The following GSTO2 variants were observed in gnomAD, a reference collection of about 807,000 sequenced individuals.
GSTO2 encodes glutathione S-transferase omega-2.
GSTO2 carries 23 observed loss-of-function variants against 28.4 expected under a neutral mutation model. The ratio of observed to expected loss-of-function variants is 0.81; its 90% CI spans 0.58 to 1.15. The LOEUF (loss-of-function observed/expected upper bound fraction) is 1.15. Among genes scored for constraint, GSTO2 ranks in the 50% most tolerant of loss-of-function variants. The pLI is 0.00. For missense variants in GSTO2, 298 were observed against 297.8 expected, an observed-to-expected ratio of 1.00 and a Z score of 0.00; for synonymous variants, 109 against 111.0, an observed-to-expected ratio of 0.98 and a Z score of 0.11.
chr10:104,298,375 C>T (rs1352933870), intron 6 of GSTO2, among the ~76,000 whole-genome samples: 2 of 152,230 alleles, frequency 1.3e-5, no homozygotes, highest in Admixed American at 1.3e-4. Flanking sequence ...AGAACTGTGT[C>T]TGCACCTTCA....
At chr10:104,291,924 C>G (rs2012791974) in intron 5 of GSTO2, among the ~76,000 whole-genome samples, 1 of 152,160 alleles carries the variant, frequency 6.6e-6, no homozygotes, top group Non-Finnish European at 1.5e-5. Context: ...GAAAGGAGCT[C>G]TTCTATTGTA....
chr10:104,271,314 AATCACAGTGTGCTTC>A (rs1476705068), intron 1 of GSTO2, among the ~76,000 whole-genome samples: 6 of 152,234 alleles, frequency 3.9e-5, no homozygotes, highest in Admixed American at 6.5e-5. Context: ...GGCAAAGCCG[AATCACAGTGTGCTTC>A]ATCTTTGTGG....
At chr10:104,273,715 G>A (rs1269830941) in intron 1 of GSTO2, among the ~76,000 whole-genome samples, 11 of 152,150 alleles carry the variant, frequency 7.2e-5, no homozygotes, top group African/African-American at 2.7e-4. Context: ...TCAAGACAAC[G>A]AGTCAAGCTT....
chr10:104,270,713 T>C (rs7089730), intron 1 of GSTO2, among the ~76,000 whole-genome samples: 11,267 of 152,250 alleles, frequency 0.074, 1,398 homozygotes, highest in African/African-American at 0.26. Context: ...AGTAATATAA[T>C]CTTTCATATA....
At chr10:104,274,020 A>C (rs2011519709) in intron 1 of GSTO2, among the ~76,000 whole-genome samples, 1 of 152,220 alleles carries the variant, frequency 6.6e-6, no homozygotes, top group Non-Finnish European at 1.5e-5. Context: ...GAAATTCAGG[A>C]TCTCAGCTTA....
intron 5 of GSTO2, among the ~76,000 whole-genome samples, chr10:104,287,248 G>A (rs2135123789): frequency 6.6e-6 from 1 of 152,304 alleles, no homozygotes; most frequent in East Asian, 1.9e-4. Context: ...TAGAGACAGG[G>A]TCTCCCTCTG....
Position 104,277,987 on chromosome 10 carries a change from A to G in GSTO2, c.237A>G (p.Gln79=), listed in dbSNP as rs745711265. The G allele has an allele frequency of 3.0e-5, 49 of 1,613,994 alleles. No individual in the cohort carries two copies. In the Admixed American group the frequency reaches 3.8e-4, roughly 13 times the overall value. ...FGHIPVLETS[Q]CQLIYESVIA... The stretch of plus-strand genomic sequence containing the variant: ...ACATTCCTGTCCTGGAGACCAGCCA[A>G]TGTCAACTGATCTATGAATCTGTTA... Residue 79 remains glutamine (Q), a synonymous_variant, in exon 4 of 7, where the codon CAA becomes CAG. Transcript: ENST00000338595.
At chr10:104,277,643 T>C (rs1235694825) in intron 3 of GSTO2, among the ~76,000 whole-genome samples, 3 of 152,112 alleles carry the variant, frequency 2.0e-5, no homozygotes. Context: ...CCTTGAGTCT[T>C]CTTTCCTATG....
chr10:104,275,435 C>T, intron 3 of GSTO2, 101 bp downstream of exon 3: 1 of 994,500 alleles, frequency 1.0e-6, no homozygotes, highest in Non-Finnish European at 1.5e-6. Flanking sequence ...TTACAAGGGG[C>T]TCCCTGTCCC....
intron 5 of GSTO2, among the ~76,000 whole-genome samples, chr10:104,280,227 T>G (rs1329725415): frequency 1.3e-5 from 2 of 150,300 alleles, no homozygotes; most frequent in African/African-American, 4.9e-5. Flanking sequence ...TCTTGATGGC[T>G]TCTTCATGAC....
chr10:104,297,871 A>G (rs1015883502), intron 6 of GSTO2, among the ~76,000 whole-genome samples, 187 bp downstream of exon 6: 1 of 152,150 alleles, frequency 6.6e-6, no homozygotes, highest in Non-Finnish European at 1.5e-5. Context: ...TCAGACCCAC[A>G]CTTTGCCCGC....
intron 5 of GSTO2, chr10:104,291,548 T>G (rs1260784912): frequency 6.6e-6 from 1 of 152,358 alleles, no homozygotes; most frequent in Non-Finnish European, 1.5e-5. Flanking sequence ...CTCGCACTGA[T>G]GGCCACCAGG....
intron 2 of GSTO2, 103 bp from the exon 3 acceptor site, chr10:104,275,123 A>G (rs2011565090): frequency 1.3e-6 from 2 of 1,514,888 alleles, no homozygotes; most frequent in African/African-American, 1.4e-5. Flanking sequence ...TGGGAGTTGG[A>G]GCTCCCACAG....
chr10:104,284,866 C>T (rs1284723476), intron 5 of GSTO2, among the ~76,000 whole-genome samples: 7 of 152,140 alleles, frequency 4.6e-5, no homozygotes, highest in African/African-American at 1.4e-4. Flanking sequence ...AGAAAGTGTT[C>T]GTGGCTTCTG....
intron 5 of GSTO2, among the ~76,000 whole-genome samples, chr10:104,282,826 G>A (rs562004047): frequency 1.1e-4 from 16 of 152,174 alleles, no homozygotes; most frequent in Non-Finnish European, 2.1e-4. Flanking sequence ...TGTCAAATTT[G>A]TGGTGTTGAT....
chr10:104,274,930 G>C lies in GSTO2; in HGVS notation c.15G>C (p.Ala5=). 3 of 1,607,124 alleles carry C rather than the reference G, an allele frequency of 1.9e-6. No homozygotes were observed. The highest frequency in any genetic ancestry group is 2.5e-6 in the Non-Finnish European group (3 of 1,177,782). ...ACCTGGAGACCATGTCTGGGGATGC[G>C]ACCAGGACCCTGGGGAAAGGTGAGT... The part of the protein sequence containing the change: MSGD[A]TRTLGKGSQP... Residue 5 remains alanine (A), a synonymous_variant, in exon 2 of 7, where the codon GCG becomes GCC. Transcript: ENST00000338595.
chr10:104,294,163 C>A (rs566647879), intron 5 of GSTO2, among the ~76,000 whole-genome samples: 2 of 152,158 alleles, frequency 1.3e-5, no homozygotes, highest in Non-Finnish European at 2.9e-5. Flanking sequence ...TTCCAACTTG[C>A]GTTTTCCCTG....
chr10:104,275,399 A>G, intron 3 of GSTO2, 65 bp downstream of exon 3: 1 of 1,484,204 alleles, frequency 6.7e-7, no homozygotes, highest in South Asian at 1.2e-5. Flanking sequence ...GGGAATGTTT[A>G]ACATCTGGGG....
At chr10:104,274,987 C>A in intron 2 of GSTO2, 38 bp downstream of exon 2, 2 of 1,560,196 alleles carry the variant, frequency 1.3e-6, no homozygotes, top group South Asian at 2.4e-5. Flanking sequence ...CTGGGGGCGC[C>A]GCGTGACAGA....
Sources: allele counts gnomAD v4.1 joint callset (sites outside exome capture counted in the v4.1 genomes callset), GRCh38; gene constraint gnomAD v4.1.1; transcripts MANE v1.5; gene names NCBI Gene and HGNC (gene_info 2026-07-23, HGNC 2026-07-21).